The following MTARC2 variants were observed in gnomAD, a reference collection of about 807,000 sequenced individuals.
The protein encoded by MTARC2 is mitochondrial amidoxime reducing component 2.
Under a neutral mutation model 35.6 loss-of-function variants are expected in MTARC2, and 27 were observed. The observed-to-expected ratio is 0.76, with a 90% CI of 0.56 to 1.04. The LOEUF is 1.04. Ranked by LOEUF, MTARC2 falls within the 50% of genes least tolerant of loss-of-function variation. MTARC2 has a pLI of 0.00. For missense variants in MTARC2, 412 were observed against 432.5 expected (o/e 0.95, Z 0.42); for synonymous variants, 158 against 167.1 (o/e 0.95, Z 0.42).
At chr1:220,765,991 A>T (rs1193905792) in intron 4 of MTARC2, among the ~76,000 whole-genome samples, 1 of 152,196 alleles carries the variant, frequency 6.6e-6, no homozygotes, top group African/African-American at 2.4e-5. Flanking sequence ...GGTGAATCTC[A>T]TGCCCACAGT....
At chr1:220,780,927 T>C (rs1672053863) in intron 6 of MTARC2, among the ~76,000 whole-genome samples, 1 of 151,928 alleles carries the variant, frequency 6.6e-6, no homozygotes, top group Admixed American at 6.6e-5. Flanking sequence ...TAATTGAAAC[T>C]GCATAATGAA....
At chr1:220,763,089 T>C in intron 4 of MTARC2, 39 bp downstream of exon 4, 2 of 1,614,062 alleles carry the variant, frequency 1.2e-6, no homozygotes, top group Non-Finnish European at 1.7e-6. Flanking sequence ...TGCTCAGATG[T>C]GCTGCTCGCG....
At chr1:220,772,924 T>C (rs550400600) in intron 4 of MTARC2, among the ~76,000 whole-genome samples, 4 of 152,214 alleles carry the variant, frequency 2.6e-5, no homozygotes, top group South Asian at 4.1e-4. Context: ...AAATATATAT[T>C]TGGGCTTCGT....
intron 4 of MTARC2, among the ~76,000 whole-genome samples, chr1:220,774,948 T>TGAGA (rs1558074236): frequency 1.4e-5 from 2 of 147,818 alleles, no homozygotes; most frequent in East Asian, 2.0e-4. Flanking sequence ...TAGACCCGTG[T>TGAGA]GTGTGCGTGT....
At chr1:220,755,149 T>C in intron 2 of MTARC2, 29 bp downstream of exon 2, 1 of 1,567,840 alleles carries the variant, frequency 6.4e-7, no homozygotes. Context: ...TCCACAGAAC[T>C]GCAACAGGCT....
chr1:220,761,715 C>T lies in MTARC2; in HGVS notation c.504C>T (p.Phe168=), dbSNP rs1243986083. The change falls in exon 3 of 8, where the codon TTC becomes TTT. Residue 168 remains phenylalanine (F), a synonymous_variant. Coordinates refer to ENST00000366913, the MANE Select transcript of MTARC2 (RefSeq NM_017898.5). ...GTGGCAATGAGGCAGCTAAGTGGTT[C>T]ACCAACTTCTTGAAAACTGAAGCGT... is the stretch of plus-strand genomic sequence containing the variant. ...RDCGNEAAKW[F]TNFLKTEAYR... The T allele has an allele frequency of 6.2e-7, 1 of 1,614,028 alleles. No homozygotes were observed. The highest frequency in any genetic ancestry group is 2.2e-5 in the East Asian group (1 of 44,896).
chr1:220,766,094 A>C (rs1671569854), intron 4 of MTARC2, among the ~76,000 whole-genome samples: 1 of 152,146 alleles, frequency 6.6e-6, no homozygotes, highest in African/African-American at 2.4e-5. Context: ...AGAGTGCCAG[A>C]GAGGAAGAGG....
At position 220,761,733 on chromosome 1, in the gene MTARC2, T is replaced by C. The variant is rs1471742602; in HGVS notation, c.522T>C (p.Thr174=). The part of the protein sequence containing the change: ...AAKWFTNFLK[T]EAYRLVQFET... ...AGTGGTTCACCAACTTCTTGAAAAC[T>C]GAAGCGTATAGATTGGTTCAATTTG... is the stretch of plus-strand genomic sequence containing the variant. The change falls in exon 3 of 8, where the codon ACT becomes ACC. Residue 174 remains threonine (T), a synonymous_variant. Coordinates refer to ENST00000366913, the MANE Select transcript of MTARC2 (RefSeq NM_017898.5). The C allele has an allele frequency of 6.2e-7, 1 of 1,614,024 alleles. No homozygotes were observed. Among genetic ancestry groups the C allele is most frequent in the Non-Finnish European group, 8.5e-7 (1 of 1,180,024 alleles).
At position 220,781,817 on chromosome 1, in the gene MTARC2, G is replaced by A; in HGVS notation, c.924G>A (p.Lys308=). 2 of 1,614,174 alleles carry A rather than the reference G, an allele frequency of 1.2e-6. No homozygotes were observed. Among genetic ancestry groups the A allele is most frequent in the Non-Finnish European group, 8.5e-7 (1 of 1,180,024 alleles). Residue 308 remains lysine, a synonymous_variant, in exon 7 of 8, where the codon AAG becomes AAA. Coordinates refer to ENST00000366913, the MANE Select transcript of MTARC2 (RefSeq NM_017898.5). ...ATCCTTCTGAGAGGGAATTGTACAA[G>A]TTGTCTCCACTTTTTGGGATCTATT... ...LCDPSERELY[K]LSPLFGIYYS...
intron 4 of MTARC2, among the ~76,000 whole-genome samples, chr1:220,769,812 C>T (rs1466143815): frequency 2.7e-5 from 4 of 150,576 alleles, no homozygotes; most frequent in Non-Finnish European, 4.4e-5. Flanking sequence ...TCTCTCAGAA[C>T]GCCCTGTCTG....
chr1:220,748,693 G>A lies in MTARC2; in HGVS notation c.162G>A (p.Val54=). 6.3e-7 allele frequency: 1 copy of A among 1,592,304 alleles called. No individual in the cohort carries two copies. Among genetic ancestry groups the A allele is most frequent in the Non-Finnish European group, 8.5e-7 (1 of 1,170,304 alleles). Residue 54 remains valine (V), a synonymous_variant, in exon 1 of 8, where the codon GTG becomes GTA. Coordinates refer to ENST00000366913, the MANE Select transcript of MTARC2 (RefSeq NM_017898.5). ...WPRRRRRLQQ[V]GTVAKLWIYP... ...GGCGGCGCCGGCGGCTGCAGCAGGT[G>A]GGCACCGTGGCGAAGCTCTGGATCT...
intron 3 of MTARC2, among the ~76,000 whole-genome samples, 172 bp downstream of exon 3, chr1:220,761,992 G>C (rs917639570): frequency 1.3e-5 from 2 of 152,198 alleles, no homozygotes; most frequent in African/African-American, 4.8e-5. Context: ...GGATGGAAAA[G>C]AAGGTGGATA....
In MTARC2 at chr1:220,766,040, C is replaced by T. The variant is rs868346495; in HGVS notation, c.750+2990C>T. On this transcript the variant is annotated intron_variant, in intron 4 of 7. Coordinates refer to ENST00000366913, the MANE Select transcript of MTARC2 (RefSeq NM_017898.5). ...CTGAGCTAGGAGAGTGCAGGGACCA[C>T]GGGGGTCAGAGATGATACAGGGTCA... Among the ~76,000 whole-genome samples the T allele has an allele frequency of 5.3e-5, 8 of 151,996 alleles. 1 individual carries two copies. The highest frequency in any genetic ancestry group is 4.2e-4 in the South Asian group (2 of 4,818).
chr1:220,758,202 C>G (rs535129574), intron 2 of MTARC2, among the ~76,000 whole-genome samples: 1 of 151,972 alleles, frequency 6.6e-6, no homozygotes, highest in Non-Finnish European at 1.5e-5. Context: ...CTACCATGGT[C>G]TCGATCTCCT....
At chr1:220,752,844 G>A (rs1671162109) in intron 1 of MTARC2, among the ~76,000 whole-genome samples, 1 of 151,838 alleles carries the variant, frequency 6.6e-6, no homozygotes, top group Non-Finnish European at 1.5e-5. Context: ...GTGAGACCCT[G>A]TCTCCCTCTC....
chr1:220,752,904 A>G (rs1671163774), intron 1 of MTARC2, among the ~76,000 whole-genome samples: 1 of 151,832 alleles, frequency 6.6e-6, no homozygotes. Flanking sequence ...AATAATACAC[A>G]TATGCATATA....
chr1:220,757,959 A>G (rs1671327366), intron 2 of MTARC2, among the ~76,000 whole-genome samples: 1 of 152,152 alleles, frequency 6.6e-6, no homozygotes, highest in Admixed American at 6.5e-5. Flanking sequence ...TATGAATTTT[A>G]TATTATTCTA....
At chr1:220,766,332 C>T (rs924048903) in intron 4 of MTARC2, among the ~76,000 whole-genome samples, 3 of 152,166 alleles carry the variant, frequency 2.0e-5, no homozygotes, top group Non-Finnish European at 4.4e-5. Flanking sequence ...CAATGGCTTG[C>T]CAGTAAACCC....
At chr1:220,767,036 G>C (rs12047899) in intron 4 of MTARC2, among the ~76,000 whole-genome samples, 2,009 of 151,524 alleles carry the variant, frequency 0.013, 32 homozygotes, top group East Asian at 0.062. Flanking sequence ...AAATGAATTT[G>C]TGCTCCCAAG....
Sources: allele counts gnomAD v4.1 joint callset (sites outside exome capture counted in the v4.1 genomes callset), GRCh38; gene constraint gnomAD v4.1.1; transcripts MANE v1.5; gene names NCBI Gene and HGNC (gene_info 2026-07-23, HGNC 2026-07-21).